XKR6: variants seen among roughly 807,000 people sequenced by gnomAD.
XKR6 encodes XK-related protein 6.
XKR6 carries 22 observed loss-of-function variants against 56.7 expected under a neutral mutation model. The observed-to-expected ratio is 0.39, with a 90% confidence interval of 0.28 to 0.55. The LOEUF is 0.55. Among genes scored for constraint, XKR6 ranks in the 20% least tolerant of loss-of-function variants. The pLI, the probability that XKR6 is intolerant of heterozygous loss-of-function variation, is 0.66. For missense variants in XKR6, 852 were observed against 889.0 expected (o/e 0.96, Z 0.53); for synonymous variants, 524 against 387.8 (o/e 1.35, Z -4.13).
intron 1 of XKR6, among the ~76,000 whole-genome samples, chr8:11,132,101 T>G (rs927970691): frequency 1.3e-5 from 2 of 152,118 alleles, no homozygotes; most frequent in Non-Finnish European, 2.9e-5. Flanking sequence ...GAGATTCTGA[T>G]GCAGTAGGTC....
At chr8:11,124,340 C>T (rs1799646793) in intron 1 of XKR6, 1 of 300,086 alleles carries the variant, frequency 3.3e-6, no homozygotes, top group Non-Finnish European at 6.5e-6. Context: ...ATCAATAACC[C>T]ACTCAGCGGT....
chr8:10,957,452 G>C (rs761873212), intron 1 of XKR6, among the ~76,000 whole-genome samples: 1 of 152,146 alleles, frequency 6.6e-6, no homozygotes, highest in African/African-American at 2.4e-5. Flanking sequence ...GGAGCCTCTT[G>C]TGGCCCATGG....
intron 1 of XKR6, among the ~76,000 whole-genome samples, chr8:11,038,590 A>G (rs548161786): frequency 1.7e-4 from 26 of 149,522 alleles, no homozygotes; most frequent in Middle Eastern, 6.9e-3. Context: ...GCTGGAGTGC[A>G]GTTGTATGAT....
At chr8:11,115,298 G>A (rs968269456) in intron 1 of XKR6, among the ~76,000 whole-genome samples, 1 of 152,192 alleles carries the variant, frequency 6.6e-6, no homozygotes, top group Non-Finnish European at 1.5e-5. Context: ...TGGTGGTTTT[G>A]GTCCCAAACA....
rs1310479992 is a variant in XKR6, at chr8:11,058,538, GA to G, written c.765-133709del. 5.9e-5 allele frequency among the ~76,000 whole-genome samples: 9 copies of G among 152,202 alleles called. No homozygotes were observed. The East Asian group carries it at 1.7e-3, about 29-fold the overall frequency. On this transcript the variant is annotated intron_variant, in intron 1 of 2. Transcript: ENST00000416569. ...AAGGATGAATTCATGTCCTTTGCAGGAACATGAATGAAGCTGGAAGCCATCA... is the reference window on the plus strand; with the variant it reads ...AAGGATGAATTCATGTCCTTTGCAGGACATGAATGAAGCTGGAAGCCATCA...
chr8:11,035,037 G>C (rs565902869), intron 1 of XKR6, among the ~76,000 whole-genome samples: 6 of 152,366 alleles, frequency 3.9e-5, no homozygotes, highest in African/African-American at 1.4e-4. Context: ...TTTAGTAGTA[G>C]TGTGACCCTG....
intron 1 of XKR6, among the ~76,000 whole-genome samples, chr8:11,170,634 T>C (rs901270828): frequency 2.0e-5 from 3 of 152,228 alleles, no homozygotes; most frequent in Admixed American, 1.3e-4. Flanking sequence ...GTGGTAATCG[T>C]TGCACAACTC....
intron 1 of XKR6, among the ~76,000 whole-genome samples, chr8:11,112,985 A>G (rs1173424358): frequency 6.6e-6 from 1 of 152,228 alleles, no homozygotes; most frequent in Non-Finnish European, 1.5e-5. Context: ...AGTCTCCAGA[A>G]GAGAAACATG....
intron 1 of XKR6, among the ~76,000 whole-genome samples, chr8:11,119,830 T>A (rs1054995634): frequency 1.4e-4 from 22 of 152,164 alleles, no homozygotes; most frequent in African/African-American, 5.3e-4. Flanking sequence ...TCAAAAAGCT[T>A]ATCCACCATG....
chr8:11,174,005 C>T (rs1802524317), intron 1 of XKR6, among the ~76,000 whole-genome samples: 2 of 152,210 alleles, frequency 1.3e-5, no homozygotes, highest in African/African-American at 2.4e-5. Flanking sequence ...CTATGCATAT[C>T]TGTATTTTTC....
At chr8:11,198,842 C>T (rs1804037791) in intron 1 of XKR6, among the ~76,000 whole-genome samples, 1 of 152,016 alleles carries the variant, frequency 6.6e-6, no homozygotes, top group Non-Finnish European at 1.5e-5. Flanking sequence ...TAAAATCTCT[C>T]TTCCCCATAC....
intron 2 of XKR6, among the ~76,000 whole-genome samples, chr8:10,912,220 CAG>C (rs1256322952): frequency 6.6e-5 from 8 of 121,296 alleles, no homozygotes; most frequent in Admixed American, 8.6e-5. Flanking sequence ...TGTATATATA[CAG>C]AGAGAGAGAG....
At chr8:10,931,789 A>G (rs1017915407) in intron 1 of XKR6, among the ~76,000 whole-genome samples, 1 of 152,124 alleles carries the variant, frequency 6.6e-6, no homozygotes, top group Non-Finnish European at 1.5e-5. Context: ...CTTGTATCAG[A>G]CAAAGAGTTC....
chr8:10,993,297 C>T (rs562645175), intron 1 of XKR6, among the ~76,000 whole-genome samples: 17 of 152,354 alleles, frequency 1.1e-4, no homozygotes, highest in African/African-American at 3.8e-4. Context: ...CCACTTGCAG[C>T]AGCGGCCCTG....
intron 1 of XKR6, among the ~76,000 whole-genome samples, chr8:11,096,833 A>G (rs1316153126): frequency 6.6e-6 from 1 of 152,240 alleles, no homozygotes; most frequent in Non-Finnish European, 1.5e-5. Context: ...CAAATACCAT[A>G]TGAAGAATAT....
At chr8:11,180,974 T>C (rs1802943205) in intron 1 of XKR6, among the ~76,000 whole-genome samples, 2 of 152,282 alleles carry the variant, frequency 1.3e-5, no homozygotes, top group African/African-American at 2.4e-5. Context: ...CACAATACAA[T>C]AATGACATAC....
intron 1 of XKR6, chr8:11,106,168 G>C (rs907653722): frequency 1.3e-5 from 2 of 152,190 alleles, no homozygotes; most frequent in Admixed American, 6.5e-5. Context: ...TTTTTTTAAA[G>C]TAATACATAC....
intron 1 of XKR6, among the ~76,000 whole-genome samples, chr8:11,060,780 T>C (rs1799813892): frequency 1.3e-5 from 2 of 152,196 alleles, no homozygotes. Flanking sequence ...CATCCTGCCC[T>C]GCACTGGGCT....
At chr8:10,899,012 C>A in intron 2 of XKR6, 96 bp from the exon 3 acceptor site, 1 of 1,486,248 alleles carries the variant, frequency 6.7e-7, no homozygotes, top group Non-Finnish European at 8.9e-7. Context: ...ACATACACCA[C>A]GATCTAAAGG....
Sources: gnomAD v4.1 joint callset for allele counts (sites outside exome capture counted in the v4.1 genomes callset) on GRCh38, gnomAD v4.1.1 for gene constraint, MANE v1.5 for transcripts, NCBI Gene and HGNC (gene_info 2026-07-23, HGNC 2026-07-21) for gene names.